LPIN2: variants seen among roughly 807,000 people sequenced by gnomAD.
LPIN2 encodes the protein phosphatidate phosphatase LPIN2.
LPIN2 carries 55 observed loss-of-function variants against 111.4 expected under a neutral mutation model. The observed-to-expected ratio is 0.49, with a 90% CI of 0.40 to 0.62. The LOEUF (loss-of-function observed/expected upper bound fraction) is 0.62. LPIN2 is among the 20% of genes least tolerant of loss of function. LPIN2 has a pLI of 0.00. For synonymous variants in LPIN2, 425 were observed against 414.0 expected (o/e 1.03, Z -0.32); for missense variants, 992 against 1,112.1 (o/e 0.89, Z 1.54).
chr18:2,934,971 A>C (rs559779965), intron 7 of LPIN2, among the ~76,000 whole-genome samples: 3 of 152,348 alleles, frequency 2.0e-5, no homozygotes, highest in Admixed American at 2.0e-4. Flanking sequence ...GTTCAGCATT[A>C]CTATTAGTGG....
At chr18:3,009,757 G>A (rs1056409899) in intron 1 of LPIN2, among the ~76,000 whole-genome samples, 8 of 152,066 alleles carry the variant, frequency 5.3e-5, no homozygotes, top group African/African-American at 1.9e-4. Context: ...CTCATTTCTT[G>A]TTAACAATTT....
intron 1 of LPIN2, among the ~76,000 whole-genome samples, chr18:3,005,676 T>TACACACACACACACACACACAC (rs34050872): frequency 6.8e-6 from 1 of 146,910 alleles, no homozygotes; most frequent in Non-Finnish European, 1.5e-5. Context: ...GACACTATCT[T>TACACACACACACACACACACAC]ACACACACAC....
At chr18:2,927,867 C>G (rs1467440922) in intron 11 of LPIN2, 56 bp from the exon 12 acceptor site, 1 of 1,413,288 alleles carries the variant, frequency 7.1e-7, no homozygotes, top group Non-Finnish European at 1.0e-6. Flanking sequence ...ACAGCACCTA[C>G]CTTCTATGCT....
intron 13 of LPIN2, among the ~76,000 whole-genome samples, chr18:2,926,297 C>T (rs549938210): frequency 2.6e-5 from 4 of 152,308 alleles, no homozygotes; most frequent in East Asian, 1.9e-4. Context: ...AGCAGGAACA[C>T]GGCGTATCGC....
chr18:2,937,884 T>G lies in LPIN2; in HGVS notation c.976A>C (p.Lys326Gln), dbSNP rs1187812027. The change falls in exon 7 of 20, where the codon AAG (lysine) becomes CAG (glutamine). Residue 326 changes from lysine to glutamine, a missense_variant. Transcript: ENST00000677752. ...GTACCCAGGGCTCTGGGTTTGGGCT[T>G]CACTATGGTACAGACAGTGTCTTCC... is the stretch of plus-strand genomic sequence containing the variant. ...SMEDTVCTIV[K>Q]PKPRALGTQM... 6.2e-7 allele frequency: 1 copy of G among 1,614,162 alleles called. No individual in the cohort carries two copies. Among genetic ancestry groups the G allele is most frequent in the Non-Finnish European group, 8.5e-7 (1 of 1,180,018 alleles).
chr18:2,988,012 CAAAAAAAAAAAAAAAA>C (rs761121515), intron 1 of LPIN2, among the ~76,000 whole-genome samples: 4 of 32,350 alleles, frequency 1.2e-4, no homozygotes, highest in South Asian at 1.4e-3. Flanking sequence ...GAGACTGTCT[CAAAAAAAAAAAAAAAA>C]AAAAAAAAAA....
In LPIN2 at chr18:2,920,819, C is replaced by T. The variant is rs1445062665; in HGVS notation, c.2505G>A (p.Lys835=). 1.2e-6 allele frequency: 2 copies of T among 1,614,150 alleles called. No homozygotes were observed. Among genetic ancestry groups the T allele is most frequent in the South Asian group, 1.1e-5 (1 of 91,086 alleles). The change falls in exon 19 of 20, where the codon AAG becomes AAA. Residue 835 remains lysine, a synonymous_variant. Coordinates refer to ENST00000677752, the MANE Select transcript of LPIN2 (RefSeq NM_001375808.2). ...TGGTTCTTTCTTGTATTAATTCACC[C>T]TTGGGGTTCACGGTGAATATTCTAC... The part of the protein sequence containing the change: ...PDCRIFTVNP[K]GELIQERTKG...
chr18:2,958,942 A>G (rs576980562), intron 2 of LPIN2, among the ~76,000 whole-genome samples: 44 of 152,068 alleles, frequency 2.9e-4, no homozygotes, highest in Admixed American at 8.5e-4. Flanking sequence ...AAAAAAAAAT[A>G]ATGATGATGA....
chr18:2,981,541 G>C (rs2078110502), intron 1 of LPIN2, among the ~76,000 whole-genome samples: 1 of 152,204 alleles, frequency 6.6e-6, no homozygotes, highest in Admixed American at 6.5e-5. Context: ...CTTAATATAT[G>C]AATGTTTAAA....
intron 1 of LPIN2, among the ~76,000 whole-genome samples, chr18:2,973,536 G>A (rs1452506061): frequency 6.6e-6 from 1 of 152,196 alleles, no homozygotes; most frequent in Non-Finnish European, 1.5e-5. Flanking sequence ...TCCCTGTTAA[G>A]TAGTACCCCA....
Position 2,921,593 on chromosome 18 carries a change from G to C in LPIN2, c.2382C>G (p.Ile794Met), listed in dbSNP as rs2077055299. Residue 794 changes from isoleucine (I) to methionine (M), a missense_variant, in exon 18 of 20, where the codon ATC (isoleucine) becomes ATG (methionine). Physicochemically the swap from Ile to Met is conservative, Grantham distance 10 (BLOSUM62 1). Around this residue, in one of 4 missense-constraint regions of LPIN2, gnomAD observed 185 missense variants for 186.5 expected, o/e 0.99. Coordinates refer to ENST00000677752, the MANE Select transcript of LPIN2 (RefSeq NM_001375808.2). ...GCTTAGACGGGGCAAACAGATTCTT[G>C]ATATCATTTAGACACTCAATTTTGA... ...EKFKIECLND[I>M]KNLFAPSKQP... 2 of 1,613,992 alleles carry C rather than the reference G, an allele frequency of 1.2e-6. No individual in the cohort carries two copies. Among genetic ancestry groups the C allele is most frequent in the Non-Finnish European group, 1.7e-6 (2 of 1,179,992 alleles).
intron 6 of LPIN2, among the ~76,000 whole-genome samples, 161 bp downstream of exon 6, chr18:2,939,319 A>C (rs973371468): frequency 2.6e-5 from 4 of 152,240 alleles, no homozygotes; most frequent in Non-Finnish European, 5.9e-5. Context: ...TCCAAATGTT[A>C]CAAAAAATGT....
chr18:2,978,611 G>C (rs2078057046), intron 1 of LPIN2, among the ~76,000 whole-genome samples: 2 of 152,214 alleles, frequency 1.3e-5, no homozygotes, highest in Non-Finnish European at 2.9e-5. Context: ...TTGGGCTCTG[G>C]AACAGAAAAA....
At chr18:3,009,692 CG>C (rs2078570333) in intron 1 of LPIN2, among the ~76,000 whole-genome samples, 1 of 152,088 alleles carries the variant, frequency 6.6e-6, no homozygotes, top group African/African-American at 2.4e-5. Context: ...CCGCCCGCCT[CG>C]GCCTCCCAAA....
chr18:2,924,553 A>G lies in LPIN2; in HGVS notation c.1939-7T>C, dbSNP rs532469294. 2 of 1,614,126 alleles carry G rather than the reference A, an allele frequency of 1.2e-6. No individual in the cohort carries two copies. The highest frequency in any genetic ancestry group is 1.1e-5 in the South Asian group (1 of 91,082). ...CGTGGAGCTTCAGTTTTGCCTTTTA[A>G]AAAAGCATAAGAATAAAGAAAATCA... is the stretch of plus-strand genomic sequence containing the variant. On this transcript the variant is annotated splice_polypyrimidine_tract_variant and splice_region_variant and intron_variant, in intron 14 of 19. Coordinates refer to ENST00000677752, the MANE Select transcript of LPIN2 (RefSeq NM_001375808.2).
intron 8 of LPIN2, among the ~76,000 whole-genome samples, chr18:2,933,565 A>G (rs1448890952): frequency 6.6e-6 from 1 of 152,252 alleles, no homozygotes; most frequent in African/African-American, 2.4e-5. Flanking sequence ...AAAAATTTAA[A>G]TAGCTTTATA....
intron 1 of LPIN2, among the ~76,000 whole-genome samples, chr18:2,962,543 G>A (rs890196696): frequency 1.3e-5 from 2 of 152,076 alleles, no homozygotes; most frequent in Non-Finnish European, 2.9e-5. Context: ...AAAAAAGTGT[G>A]GGGAGGAAAT....
chr18:2,970,547 G>A (rs1201078100), intron 1 of LPIN2, among the ~76,000 whole-genome samples: 1 of 152,202 alleles, frequency 6.6e-6, no homozygotes, highest in Admixed American at 6.5e-5. Context: ...GTTTCTTTGC[G>A]TGGTTGTTCA....
At chr18:3,000,987 G>GGAGA (rs1185665592) in intron 1 of LPIN2, among the ~76,000 whole-genome samples, 1 of 149,582 alleles carries the variant, frequency 6.7e-6, no homozygotes, top group African/African-American at 2.5e-5. Flanking sequence ...GGAGAGGGAG[G>GGAGA]GAGAGAGAGA....
Sources: allele counts gnomAD v4.1 joint callset (sites outside exome capture counted in the v4.1 genomes callset), GRCh38; gene constraint gnomAD v4.1.1; regional missense constraint gnomAD v4.1.1; transcripts MANE v1.5; gene names NCBI Gene and HGNC (gene_info 2026-07-23, HGNC 2026-07-21).